FAN1: variants seen among roughly 807,000 people sequenced by gnomAD.
FAN1 encodes the protein fanconi-associated nuclease 1.
FAN1 carries 91 observed loss-of-function variants against 104.9 expected under a neutral mutation model. The ratio of observed to expected loss-of-function variants is 0.87; its 90% CI spans 0.73 to 1.03. The LOEUF is 1.03. Ranked by LOEUF, FAN1 falls within the 50% of genes least tolerant of loss-of-function variation. FAN1 has a pLI of 0.00. For missense variants in FAN1, 1,263 were observed against 1,239.9 expected (o/e 1.02, Z -0.28); for synonymous variants, 478 against 457.6 (o/e 1.04, Z -0.57).
intron 13 of FAN1, among the ~76,000 whole-genome samples, chr15:30,934,522 C>T (rs917990495): frequency 2.0e-5 from 3 of 152,074 alleles, no homozygotes; most frequent in Admixed American, 6.6e-5. Context: ...CACAGGTGCA[C>T]GCCACCATGC....
intron 11 of FAN1, 189 bp downstream of exon 11, chr15:30,928,845 G>C: frequency 1.1e-6 from 1 of 939,834 alleles, no homozygotes; most frequent in Non-Finnish European, 1.3e-6. Context: ...AGTATGTGAA[G>C]TTTTAAACTT....
chr15:30,941,782 G>A lies in FAN1; in HGVS notation c.*220G>A, dbSNP rs1169965518. On this transcript the variant is annotated 3_prime_UTR_variant, in exon 15 of 15. Coordinates refer to ENST00000362065, the MANE Select transcript of FAN1 (RefSeq NM_014967.5). ...AGAGCTTGTGAAAGGCTGTGATGGA[G>A]CCACCCAGGCTGATCTGGGCCTCGG... The A allele has an allele frequency of 1.2e-6, 2 of 1,613,884 alleles. No individual in the cohort carries two copies. The highest frequency in any genetic ancestry group is 2.2e-5 in the East Asian group (1 of 44,898).
At chr15:30,933,191 T>A (rs2140961816) in intron 13 of FAN1, among the ~76,000 whole-genome samples, 1 of 152,328 alleles carries the variant, frequency 6.6e-6, no homozygotes, top group East Asian at 1.9e-4. Flanking sequence ...TTTGTTTTTT[T>A]ATTTCCTAGT....
intron 11 of FAN1, 49 bp downstream of exon 11, chr15:30,928,705 T>G: frequency 6.2e-7 from 1 of 1,611,512 alleles, no homozygotes; most frequent in Non-Finnish European, 8.5e-7. Context: ...CACACATCCG[T>G]GGCTCACGCC....
intron 14 of FAN1, chr15:30,940,971 C>T (rs867561652): frequency 1.8e-6 from 2 of 1,096,604 alleles, no homozygotes; most frequent in Admixed American, 4.9e-5. Flanking sequence ...ATCATAAATT[C>T]TGGCCCCAGA....
Position 30,941,302 on chromosome 15 carries a change from ATAAG to A in FAN1, c.*4-262_*4-259del, listed in dbSNP as rs539067846. On this transcript the variant is annotated intron_variant, in intron 14 of 14. Transcript: ENST00000362065. Reference sequence around the variant, plus strand: ...GAACAAAATTTACATCTCTCTTAAAATAAGTGTGAAAGAAGCATGATTCAACATG... The same window carrying A: ...GAACAAAATTTACATCTCTCTTAAAATGTGAAAGAAGCATGATTCAACATG... The A allele has an allele frequency of 5.8e-5, 88 of 1,521,538 alleles. 2 individuals carry two copies. In the South Asian group the frequency reaches 9.3e-4, roughly 16 times the overall value. The allele number at this position is 1,521,538 out of a possible 1,614,324, so 94.3% of individuals were successfully genotyped here.
Position 30,941,618 on chromosome 15 carries a change from G to GAGGTGTC in FAN1, c.*57_*63dup. The GAGGTGTC allele has an allele frequency of 1.9e-6, 3 of 1,603,824 alleles. No homozygotes were observed. The highest frequency in any genetic ancestry group is 2.6e-6 in the Non-Finnish European group (3 of 1,174,934). ...GGAGGAGAGAAACTCCGGTGTCCCC[G>GAGGTGTC]AGGTGTCGGTGTGGTGAGGGCCGCT... On this transcript the variant is annotated 3_prime_UTR_variant, in exon 15 of 15. Coordinates refer to ENST00000362065, the MANE Select transcript of FAN1 (RefSeq NM_014967.5).
At chr15:30,939,636 C>G (rs2062970998) in intron 14 of FAN1, 1 of 907,376 alleles carries the variant, frequency 1.1e-6, no homozygotes, top group African/African-American at 2.0e-5. Flanking sequence ...AAATTAACAA[C>G]AATAAAATAC....
At position 30,904,870 on chromosome 15, in the gene FAN1, C is replaced by T. The variant is rs1215144177; in HGVS notation, c.207C>T (p.Phe69=). Residue 69 remains phenylalanine, a synonymous_variant, in exon 2 of 15, where the codon TTC becomes TTT. Coordinates refer to ENST00000362065, the MANE Select transcript of FAN1 (RefSeq NM_014967.5). ...ATGAAATGTGTGCTAACAATGACTT[C>T]GTTCAAGTGGATCCAGGGCAGGTTG... ...HLDEMCANND[F]VQVDPGQVGL... is the part of the protein sequence containing the mutation. The T allele has an allele frequency of 1.2e-6, 2 of 1,613,488 alleles. No individual in the cohort carries two copies. The highest frequency in any genetic ancestry group is 2.2e-5 in the East Asian group (1 of 44,878).
chr15:30,928,356 C>T, intron 10 of FAN1, 197 bp from the exon 11 acceptor site: 1 of 1,338,342 alleles, frequency 7.5e-7, no homozygotes, highest in Non-Finnish European at 9.5e-7. Context: ...CCTTAAGGCT[C>T]TGTATATAAA....
chr15:30,914,079 A>G lies in FAN1; in HGVS notation c.1799A>G (p.Asp600Gly). 6.2e-7 allele frequency: 1 copy of G among 1,611,268 alleles called. No homozygotes were observed. The highest frequency in any genetic ancestry group is 1.1e-5 in the South Asian group (1 of 91,012). The change falls in exon 5 of 15, where the codon GAT becomes GGT. Residue 600 changes from aspartate to glycine, a missense_variant. Asp to Gly is a moderately conservative substitution (Grantham distance 94). Transcript: ENST00000362065. ...AAAACCCACATCTTCCAAGACAGAG[A>G]TGATCTTATCAGGTAAGATGATGTT... ...NRKTHIFQDR[D>G]DLIRYAAATH...
chr15:30,942,136 T>TGGC lies in FAN1; in HGVS notation c.*575_*577dup. ...TTTTTAGAAAGATTGAAGGATGCAA[T>TGGC]GGCAAATATAAACTCAATACTATGA... On this transcript the variant is annotated 3_prime_UTR_variant, in exon 15 of 15. Transcript: ENST00000362065. 6.6e-7 allele frequency: 1 copy of TGGC among 1,515,080 alleles called. No homozygotes were observed. The highest frequency in any genetic ancestry group is 8.9e-7 in the Non-Finnish European group (1 of 1,122,892). The allele number at this position is 1,515,080 out of a possible 1,614,324, so 93.9% of individuals were successfully genotyped here.
intron 13 of FAN1, among the ~76,000 whole-genome samples, chr15:30,931,873 T>C (rs2062718951): frequency 6.6e-6 from 1 of 152,070 alleles, no homozygotes; most frequent in South Asian, 2.1e-4. Context: ...TTGTTCTGGC[T>C]CTTTTGCATT....
At chr15:30,908,344 C>A in intron 3 of FAN1, 86 bp downstream of exon 3, 1 of 1,203,186 alleles carries the variant, frequency 8.3e-7, no homozygotes, top group Non-Finnish European at 1.1e-6. Context: ...TATTATGGTG[C>A]CCTCCCCGGG....
chr15:30,932,007 G>T (rs1276852167), intron 13 of FAN1, among the ~76,000 whole-genome samples: 4 of 151,404 alleles, frequency 2.6e-5, no homozygotes, highest in African/African-American at 4.9e-5. Context: ...CGGATCACGA[G>T]GTCAGGAGAT....
At position 30,920,552 on chromosome 15, in the gene FAN1, G is replaced by A. The variant is rs745572671; in HGVS notation, c.1951G>A (p.Glu651Lys). ...LKNHPSLRCH[E>K]DLPLFLRCFT... is the part of the protein sequence containing the mutation. ...TATATGTCTTCATTTTAGATGCCAC[G>A]AAGATTTACCACTCTTCCTGCGGTG... Residue 651 changes from glutamate (E) to lysine (K), a missense_variant, in exon 7 of 15, where the codon GAA becomes AAA. Physicochemically the swap from Glu to Lys is moderately conservative, Grantham distance 56. Coordinates refer to ENST00000362065, the MANE Select transcript of FAN1 (RefSeq NM_014967.5). 1.2e-5 allele frequency: 19 copies of A among 1,607,242 alleles called. No individual in the cohort carries two copies. Among genetic ancestry groups the A allele is most frequent in the South Asian group, 1.1e-4 (10 of 89,802 alleles).
At chr15:30,939,314 T>C (rs1424674312) in intron 14 of FAN1, 1 of 985,364 alleles carries the variant, frequency 1.0e-6, no homozygotes, top group Admixed American at 6.1e-5. Context: ...CTGTGCGGCA[T>C]TCCCTCAGCA....
At chr15:30,906,769 A>G (rs16956362) in intron 2 of FAN1, among the ~76,000 whole-genome samples, 8,267 of 152,314 alleles carry the variant, frequency 0.054, 342 homozygotes, top group Admixed American at 0.13. Flanking sequence ...TGTGAGCGAT[A>G]CTTCTCTGGG....
At chr15:30,927,702 G>T (rs767563919) in intron 10 of FAN1, 147 of 985,614 alleles carry the variant, frequency 1.5e-4, no homozygotes, top group Middle Eastern at 5.2e-4. Flanking sequence ...CTGGCCAGTG[G>T]TCTTGTGGGG....
Sources: gnomAD v4.1 joint callset for allele counts (sites outside exome capture counted in the v4.1 genomes callset) on GRCh38, gnomAD v4.1.1 for gene constraint, MANE v1.5 for transcripts, NCBI Gene and HGNC (gene_info 2026-07-23, HGNC 2026-07-21) for gene names.